GRIA1: variants seen among roughly 807,000 people sequenced by gnomAD.
The protein encoded by GRIA1 is glutamate ionotropic receptor AMPA type subunit 1.
A neutral mutation model predicts 99.2 loss-of-function variants in GRIA1; 31 were observed. That is an observed-to-expected ratio of 0.31 (90% CI 0.23 to 0.42). The LOEUF (loss-of-function observed/expected upper bound fraction) is 0.42. Ranked by LOEUF, GRIA1 falls within the 10% of genes least tolerant of loss-of-function variation. GRIA1 has a pLI of 1.00. For missense variants in GRIA1, 782 were observed against 1,157.5 expected (o/e 0.68, Z 4.71); for synonymous variants, 438 against 432.4 (o/e 1.01, Z -0.16).
chr5:153,803,214 G>A (rs1023372673), intron 15 of GRIA1, among the ~76,000 whole-genome samples: 1 of 152,184 alleles, frequency 6.6e-6, no homozygotes, highest in African/African-American at 2.4e-5. Context: ...CTAAAGAAAG[G>A]CTAGAATATC....
intron 2 of GRIA1, among the ~76,000 whole-genome samples, chr5:153,597,169 T>G (rs1294651826): frequency 6.6e-6 from 1 of 152,224 alleles, no homozygotes; most frequent in Non-Finnish European, 1.5e-5. Flanking sequence ...AAGCCCTGTT[T>G]TGAAGGGGCG....
rs539099738 is a variant in GRIA1, at chr5:153,660,149, C to T, written c.699+4277C>T. Among the ~76,000 whole-genome samples, 7 of 152,206 alleles carry T rather than the reference C, an allele frequency of 4.6e-5. No homozygotes were observed. In the South Asian group the frequency reaches 1.5e-3, roughly 32 times the overall value. ...TGGAGTTTGGCTGTCAGGAATATGA[C>T]AAAAACCAAGAGATGTGGGCATAAG... On this transcript the variant is annotated intron_variant, in intron 5 of 15. Coordinates refer to ENST00000285900, the MANE Select transcript of GRIA1 (RefSeq NM_000827.4).
chr5:153,565,760 G>A (rs1172712101), intron 2 of GRIA1, among the ~76,000 whole-genome samples: 1 of 151,790 alleles, frequency 6.6e-6, no homozygotes, highest in Non-Finnish European at 1.5e-5. Context: ...GTTCATTCAT[G>A]TCTTAGCATG....
intron 12 of GRIA1, among the ~76,000 whole-genome samples, chr5:153,765,001 C>G (rs963281927): frequency 1.3e-5 from 2 of 152,038 alleles, no homozygotes; most frequent in Admixed American, 1.3e-4. Flanking sequence ...ACCTGATGCT[C>G]TTTGTGTCCC....
At chr5:153,639,487 C>A (rs1190681863) in intron 2 of GRIA1, among the ~76,000 whole-genome samples, 1 of 152,208 alleles carries the variant, frequency 6.6e-6, no homozygotes, top group African/African-American at 2.4e-5. Flanking sequence ...GCTTCTTTAG[C>A]CTTTAGCCTG....
intron 2 of GRIA1, among the ~76,000 whole-genome samples, chr5:153,636,134 A>G (rs1335853261): frequency 6.6e-6 from 1 of 152,144 alleles, no homozygotes. Context: ...TGAAAGAACC[A>G]CAAGTGGAAA....
At chr5:153,805,930 C>T (rs1766398531) in intron 15 of GRIA1, among the ~76,000 whole-genome samples, 1 of 152,148 alleles carries the variant, frequency 6.6e-6, no homozygotes, top group Admixed American at 6.5e-5. Flanking sequence ...CACTGAGGCT[C>T]CTAATAGAAT....
At chr5:153,803,812 C>A (rs936276395) in intron 15 of GRIA1, among the ~76,000 whole-genome samples, 1 of 152,194 alleles carries the variant, frequency 6.6e-6, no homozygotes, top group African/African-American at 2.4e-5. Context: ...CCATACATAG[C>A]CTCCTGCCCA....
At chr5:153,600,931 G>A (rs1764900265) in intron 2 of GRIA1, among the ~76,000 whole-genome samples, 1 of 152,142 alleles carries the variant, frequency 6.6e-6, no homozygotes, top group African/African-American at 2.4e-5. Flanking sequence ...TAGCCTCGGG[G>A]CACTTCTTTA....
At chr5:153,493,394 A>C (rs1287864983) in intron 1 of GRIA1, among the ~76,000 whole-genome samples, 1 of 152,240 alleles carries the variant, frequency 6.6e-6, no homozygotes, top group Admixed American at 6.5e-5. Flanking sequence ...AGGTCTTGCT[A>C]GGCCAAAGAC....
In GRIA1 at chr5:153,625,840, A is replaced by T. The variant is rs140270648; in HGVS notation, c.221-21088A>T. ...CTTATTTATTCCTCTCAGTCTTTTGAGATTAAGACTCTGGTTATCTGATTC... is the reference window on the plus strand; with the variant it reads ...CTTATTTATTCCTCTCAGTCTTTTGTGATTAAGACTCTGGTTATCTGATTC... On this transcript the variant is annotated intron_variant, in intron 2 of 15. Transcript: ENST00000285900. Among the ~76,000 whole-genome samples the T allele has an allele frequency of 3.5e-3, 538 of 152,284 alleles. 2 individuals are homozygous for T. The highest frequency in any genetic ancestry group is 0.012 in the African/African-American group (500 of 41,556).
intron 2 of GRIA1, among the ~76,000 whole-genome samples, chr5:153,527,215 C>T (rs1233963402): frequency 6.6e-6 from 1 of 152,080 alleles, no homozygotes; most frequent in Non-Finnish European, 1.5e-5. Context: ...TTTCCAATAG[C>T]TAAATTCCTG....
intron 11 of GRIA1, among the ~76,000 whole-genome samples, chr5:153,733,755 AACAG>A (rs1485455082): frequency 2.0e-5 from 3 of 152,174 alleles, no homozygotes; most frequent in Non-Finnish European, 4.4e-5. Context: ...AAATTGTAAC[AACAG>A]ACAAAGGGCA....
At chr5:153,807,305 C>T (rs774077922) in intron 15 of GRIA1, among the ~76,000 whole-genome samples, 3 of 152,194 alleles carry the variant, frequency 2.0e-5, no homozygotes, top group Non-Finnish European at 4.4e-5. Flanking sequence ...ACAGACACTG[C>T]TTCTTTTCTC....
At chr5:153,737,584 G>C (rs2149569008) in intron 11 of GRIA1, among the ~76,000 whole-genome samples, 1 of 152,234 alleles carries the variant, frequency 6.6e-6, no homozygotes, top group East Asian at 1.9e-4. Flanking sequence ...GCCTCAGCCT[G>C]GTTTTCCTCA....
chr5:153,753,421 G>T (rs1762618951), intron 11 of GRIA1, among the ~76,000 whole-genome samples: 3 of 152,194 alleles, frequency 2.0e-5, no homozygotes, highest in South Asian at 4.1e-4. Flanking sequence ...AGAAGTCCAT[G>T]TCCACCCATA....
Position 153,571,793 on chromosome 5 carries a change from G to T in GRIA1, c.221-75135G>T, listed in dbSNP as rs534043809. Among the ~76,000 whole-genome samples the T allele has an allele frequency of 3.3e-5, 5 of 152,218 alleles. No individual in the cohort carries two copies. The South Asian group carries it at 1.0e-3, about 32-fold the overall frequency. ...TGCTATATTTTGGAATAGGACCCAA[G>T]CCAAAATGAATTTTAGAGATAAAAC... On this transcript the variant is annotated intron_variant, in intron 2 of 15. Coordinates refer to ENST00000285900, the MANE Select transcript of GRIA1 (RefSeq NM_000827.4).
intron 2 of GRIA1, among the ~76,000 whole-genome samples, chr5:153,640,766 T>C (rs1753727140): frequency 6.6e-6 from 1 of 152,216 alleles, no homozygotes; most frequent in African/African-American, 2.4e-5. Context: ...CTTGTGTAAT[T>C]GTGGTACCCC....
intron 8 of GRIA1, among the ~76,000 whole-genome samples, chr5:153,692,034 A>C (rs1757800740): frequency 6.6e-6 from 1 of 152,146 alleles, no homozygotes. Context: ...CTCTGCAGTT[A>C]CACTGGCATC....
Sources: gnomAD v4.1 joint callset for allele counts (sites outside exome capture counted in the v4.1 genomes callset) on GRCh38, gnomAD v4.1.1 for gene constraint, MANE v1.5 for transcripts, NCBI Gene and HGNC (gene_info 2026-07-23, HGNC 2026-07-21) for gene names.